Variants in LRP8 observed in about 807,000 individuals in gnomAD.
The protein encoded by LRP8 is low-density lipoprotein receptor-related protein 8.
LRP8 carries 46 observed loss-of-function variants against 111.6 expected under a neutral mutation model. That is an observed-to-expected ratio of 0.41 (90% CI 0.33 to 0.53). The LOEUF (loss-of-function observed/expected upper bound fraction) is 0.53. LRP8 is among the 20% of genes least tolerant of loss of function. LRP8 has a pLI of 0.20. For synonymous variants in LRP8, 464 were observed against 511.2 expected, an observed-to-expected ratio of 0.91 and a Z score of 1.24; for missense variants, 959 against 1,297.4, an observed-to-expected ratio of 0.74 and a Z score of 4.01.
Position 53,275,247 on chromosome 1 carries a change from G to A in LRP8, c.1006+384C>T, listed in dbSNP as rs1425686275. Among the ~76,000 whole-genome samples the A allele has an allele frequency of 1.3e-5, 2 of 152,192 alleles. No homozygotes were observed. Among genetic ancestry groups the A allele is most frequent in the Non-Finnish European group, 2.9e-5 (2 of 68,038 alleles). ...GAATGAGGGTCCCTGCTCCTGCAGA[G>A]GGCAGGTGGTGACCAGAAGAACCAT... On this transcript the variant is annotated intron_variant, in intron 6 of 18. Coordinates refer to ENST00000306052, the MANE Select transcript of LRP8 (RefSeq NM_004631.5). The surrounding 1 kb of genome is among the most constrained non-coding windows in gnomAD (Gnocchi z 4.4).
rs2100422321 is a variant in LRP8, at chr1:53,276,983, C to T, written c.592G>A (p.Glu198Lys). Residue 198 changes from glutamate (E) to lysine (K), a missense_variant, in exon 5 of 19, where the codon GAG becomes AAG. Transcript: ENST00000306052. The stretch of plus-strand genomic sequence containing the variant: ...CAGGCCGGGTCTGCACAGCCGCGCT[C>T]ATCGCTGCCGTCACCACAGTCGTCG... The part of the protein sequence containing the change: ...GDDDCGDGSD[E>K]RGCADPACGP... 1.3e-6 allele frequency: 2 copies of T among 1,510,982 alleles called. No individual in the cohort carries two copies. Among genetic ancestry groups the T allele is most frequent in the Non-Finnish European group, 1.8e-6 (2 of 1,133,178 alleles). The allele number at this position is 1,510,982 out of a possible 1,614,324, so 93.6% of individuals were successfully genotyped here.
At chr1:53,313,027 G>C (rs754689841) in intron 2 of LRP8, among the ~76,000 whole-genome samples, 1 of 152,176 alleles carries the variant, frequency 6.6e-6, no homozygotes, top group Non-Finnish European at 1.5e-5. Context: ...GGCAAGTTCT[G>C]GTCTAGCTGC....
intron 6 of LRP8, among the ~76,000 whole-genome samples, chr1:53,274,386 C>T (rs991377148): frequency 6.6e-6 from 1 of 152,138 alleles, no homozygotes; most frequent in Non-Finnish European, 1.5e-5. Context: ...GGAGGAACAC[C>T]GAGGAAGAGA....
intron 2 of LRP8, among the ~76,000 whole-genome samples, chr1:53,301,430 G>A (rs754066899): frequency 1.3e-5 from 2 of 152,170 alleles, no homozygotes; most frequent in Non-Finnish European, 2.9e-5. Flanking sequence ...GACCTTAAAA[G>A]GCATGAACTG....
chr1:53,292,493 T>C lies in LRP8; in HGVS notation c.245-2804A>G, dbSNP rs544160581. On this transcript the variant is annotated intron_variant, in intron 2 of 18. Coordinates refer to ENST00000306052, the MANE Select transcript of LRP8 (RefSeq NM_004631.5). The stretch of plus-strand genomic sequence containing the variant: ...CAATGATAGATGCGAATACCACCTA[T>C]TGGTAAATCATAGTCCATAATCATC... Among the ~76,000 whole-genome samples, 65 of 152,298 alleles carry C rather than the reference T, an allele frequency of 4.3e-4. No individual in the cohort carries two copies. The South Asian group carries it at 4.4e-3, about 10-fold the overall frequency.
At chr1:53,254,161 G>A (rs1645992319) in intron 16 of LRP8, among the ~76,000 whole-genome samples, 1 of 152,068 alleles carries the variant, frequency 6.6e-6, no homozygotes, top group South Asian at 2.1e-4. Flanking sequence ...ATACTGCTAC[G>A]AGATGAGACT....
rs554321155 is a variant in LRP8 at position 53,264,428 on chromosome 1, G to A, written c.1428-32C>T. ...AGAAAACAGAGATGACCATGGGGCAGATGTTCCACCCATGGGCCCATCTGG... is the reference window on the plus strand; with the variant it reads ...AGAAAACAGAGATGACCATGGGGCAAATGTTCCACCCATGGGCCCATCTGG... On this transcript the variant is annotated intron_variant, in intron 9 of 18. Coordinates refer to ENST00000306052, the MANE Select transcript of LRP8 (RefSeq NM_004631.5). The A allele has an allele frequency of 5.9e-5, 93 of 1,564,218 alleles. No homozygotes were observed. The South Asian group carries it at 9.9e-4, about 17-fold the overall frequency.
At chr1:53,278,533 G>A (rs552841540) in intron 4 of LRP8, among the ~76,000 whole-genome samples, 6 of 152,328 alleles carry the variant, frequency 3.9e-5, no homozygotes, top group South Asian at 4.1e-4. Flanking sequence ...CGTGTCATGC[G>A]TTTCTGACAG....
rs549637189 is a variant in LRP8 at position 53,265,782 on chromosome 1, C to T, written c.1427+691G>A. Among the ~76,000 whole-genome samples, 123 of 152,352 alleles carry T rather than the reference C, an allele frequency of 8.1e-4. 2 individuals are homozygous for T. The South Asian group carries it at 0.01, about 13-fold the overall frequency. On this transcript the variant is annotated intron_variant, in intron 9 of 18. Coordinates refer to ENST00000306052, the MANE Select transcript of LRP8 (RefSeq NM_004631.5). ...CAGTGTCTACCCAGCGCCTGGTCATCGGCATTCCTGCCAAGTGGATCTCAG... is the reference window on the plus strand; with the variant it reads ...CAGTGTCTACCCAGCGCCTGGTCATTGGCATTCCTGCCAAGTGGATCTCAG...
chr1:53,322,294 A>T (rs1654615762), intron 2 of LRP8, among the ~76,000 whole-genome samples: 1 of 152,184 alleles, frequency 6.6e-6, no homozygotes, highest in South Asian at 2.1e-4. Context: ...TGACTTTGAC[A>T]TGGGTCTCTA....
At chr1:53,257,578 T>A (rs1646148814) in intron 14 of LRP8, 114 bp from the exon 15 acceptor site, 2 of 749,438 alleles carry the variant, frequency 2.7e-6, no homozygotes, top group Non-Finnish European at 4.5e-6. Context: ...ATGCCACTTC[T>A]GTGAAGCCTT....
chr1:53,305,015 T>C (rs1024654715), intron 2 of LRP8: 3 of 152,200 alleles, frequency 2.0e-5, no homozygotes, highest in African/African-American at 7.2e-5. Context: ...GGAAGCCACT[T>C]TTAAACAGCC....
At chr1:53,260,927 G>A (rs796396656) in intron 12 of LRP8, among the ~76,000 whole-genome samples, 15 of 152,244 alleles carry the variant, frequency 9.9e-5, no homozygotes, top group African/African-American at 3.6e-4. Flanking sequence ...CATTACTGGG[G>A]CCTGGGACCA....
intron 9 of LRP8, among the ~76,000 whole-genome samples, chr1:53,265,801 A>C (rs768411643): frequency 9.2e-5 from 14 of 152,210 alleles, no homozygotes; most frequent in South Asian, 4.1e-4. Flanking sequence ...TGCCAAGTGG[A>C]TCTCAGGACA....
At chr1:53,259,268 T>C (rs930414633) in intron 13 of LRP8, among the ~76,000 whole-genome samples, 1 of 152,164 alleles carries the variant, frequency 6.6e-6, no homozygotes, top group Non-Finnish European at 1.5e-5. Flanking sequence ...CATGCCACCA[T>C]ACAAGGGTCA....
rs1024935947 is a variant in LRP8, at chr1:53,244,199, G to C, written c.*2819C>G. ...TAGTGCCTTTGTAATTCCACTGGAG[G>C]AAAGGTAGACCATAGTATAGGTAGC... On this transcript the variant is annotated 3_prime_UTR_variant, in exon 19 of 19. Transcript: ENST00000306052. 4.6e-5 allele frequency: 7 copies of C among 152,244 alleles called. No individual in the cohort carries two copies. Among genetic ancestry groups the C allele is most frequent in the Non-Finnish European group, 1.0e-4 (7 of 68,048 alleles). 9.4% of individuals were successfully genotyped at this position (152,244 alleles called of 1,614,324 possible).
rs2100353402 is a variant in LRP8 at position 53,255,188 on chromosome 1, G to A, written c.2435-3C>T. 6.2e-7 allele frequency: 1 copy of A among 1,613,092 alleles called. No homozygotes were observed. Among genetic ancestry groups the A allele is most frequent in the Non-Finnish European group, 8.5e-7 (1 of 1,179,884 alleles). ...CATCTTACTGTCTTCATTTGCATCT[G>A]CAAAACACAAACATTTGCAGAATGA... On this transcript the variant is annotated splice_region_variant and splice_polypyrimidine_tract_variant and intron_variant, in intron 15 of 18. Transcript: ENST00000306052.
chr1:53,322,944 C>T (rs1035851275), intron 2 of LRP8, among the ~76,000 whole-genome samples: 25 of 152,152 alleles, frequency 1.6e-4, no homozygotes, highest in African/African-American at 5.8e-4. Context: ...TTTATTAAAC[C>T]TGGGATGGAG....
intron 4 of LRP8, among the ~76,000 whole-genome samples, chr1:53,277,462 G>A (rs1292160236): frequency 6.6e-6 from 1 of 151,932 alleles, no homozygotes; most frequent in African/African-American, 2.4e-5. Context: ...GCTCCTCATA[G>A]CATAGCGATG....
Sources: allele counts gnomAD v4.1 joint callset (sites outside exome capture counted in the v4.1 genomes callset), GRCh38; gene constraint gnomAD v4.1.1; non-coding constraint Gnocchi (gnomAD v3.1); transcripts MANE v1.5; gene names NCBI Gene and HGNC (gene_info 2026-07-23, HGNC 2026-07-21).